The following IGSF3 variants were observed in gnomAD, a reference collection of about 807,000 sequenced individuals.
IGSF3 encodes glu-Trp-Ile EWI motif-containing protein 3.
A neutral mutation model predicts 114.4 loss-of-function variants in IGSF3; 23 were observed. The ratio of observed to expected loss-of-function variants is 0.20; its 90% CI spans 0.14 to 0.28. The LOEUF (loss-of-function observed/expected upper bound fraction) is 0.28, where lower values mean the gene tolerates loss of function less well. Among genes scored for constraint, IGSF3 ranks in the 10% least tolerant of loss-of-function variants. The pLI, the probability that IGSF3 is intolerant of heterozygous loss-of-function variation, is 1.00. For synonymous variants in IGSF3, 571 were observed against 645.2 expected, an observed-to-expected ratio of 0.88 and a Z score of 1.74; for missense variants, 1,172 against 1,591.5, an observed-to-expected ratio of 0.74 and a Z score of 4.48.
At position 116,584,513 on chromosome 1, in the gene IGSF3, A is replaced by G. The variant is rs895497704; in HGVS notation, c.2848+132T>C. Reference sequence around the variant, plus strand: ...TTCAGGCAATTTTGAATATAAATGCATATACATGTAGACACTCATATATTT... The same window carrying G: ...TTCAGGCAATTTTGAATATAAATGCGTATACATGTAGACACTCATATATTT... On this transcript the variant is annotated intron_variant, in intron 9 of 10. Transcript: ENST00000369486. The surrounding 1 kb of genome is among the most constrained non-coding windows in gnomAD (Gnocchi z 5.8). The G allele has an allele frequency of 1.8e-5, 16 of 872,062 alleles. No individual in the cohort carries two copies. Among genetic ancestry groups the G allele is most frequent in the African/African-American group, 3.4e-5 (2 of 59,482 alleles). 54.0% of individuals were successfully genotyped at this position (872,062 alleles called of 1,614,324 possible). A position where few individuals can be genotyped will look rare whatever the true frequency, so the allele number is the denominator to read the frequency against.
chr1:116,635,680 G>T (rs555980), intron 2 of IGSF3, among the ~76,000 whole-genome samples: 121,065 of 152,210 alleles, frequency 0.8, 48,790 homozygotes, highest in African/African-American at 0.91. Context: ...GCATCTTCTT[G>T]TTGGGACACT....
Position 116,589,471 on chromosome 1 carries a change from C to T in IGSF3, c.2030-367G>A, listed in dbSNP as rs580703. On this transcript the variant is annotated intron_variant, in intron 7 of 10. Coordinates refer to ENST00000369486, the MANE Select transcript of IGSF3 (RefSeq NM_001007237.3). The surrounding 1 kb of genome is among the most constrained non-coding windows in gnomAD (Gnocchi z 5.7). ...GCCAGAGAGAAACAATTCCTTTTCA[C>T]AGCACAAAGTCCCTTCAGGATCTGG... Among the ~76,000 whole-genome samples, 46,892 of 151,902 alleles carry T rather than the reference C, an allele frequency of 0.31. 8,715 individuals carry two copies. Among genetic ancestry groups the T allele is most frequent in the Non-Finnish European group, 0.4 (27,463 of 67,920 alleles).
Position 116,577,290 on chromosome 1 carries a change from C to T in IGSF3, c.*22G>A, listed in dbSNP as rs1377347589. Reference sequence around the variant, plus strand: ...AGAGCCTCAGCTCCTCCGTGGCCAACATCCGCTGGGGCATCACCCGCTTAG... The same window carrying T: ...AGAGCCTCAGCTCCTCCGTGGCCAATATCCGCTGGGGCATCACCCGCTTAG... On this transcript the variant is annotated 3_prime_UTR_variant, in exon 11 of 11. Transcript: ENST00000369486. The surrounding 1 kb of genome is among the most constrained non-coding windows in gnomAD (Gnocchi z 5.7). 3.1e-6 allele frequency: 5 copies of T among 1,610,518 alleles called. No homozygotes were observed. Among genetic ancestry groups the T allele is most frequent in the Non-Finnish European group, 4.2e-6 (5 of 1,177,920 alleles).
Position 116,651,281 on chromosome 1 carries a change from C to A in IGSF3, c.43+15003G>T, listed in dbSNP as rs1170231169. Among the ~76,000 whole-genome samples, 2 of 152,198 alleles carry A rather than the reference C, an allele frequency of 1.3e-5. No homozygotes were observed. Among genetic ancestry groups the A allele is most frequent in the Admixed American group, 1.3e-4 (2 of 15,278 alleles). On this transcript the variant is annotated intron_variant, in intron 2 of 10. Coordinates refer to ENST00000369486, the MANE Select transcript of IGSF3 (RefSeq NM_001007237.3). The surrounding 1 kb of genome is among the most constrained non-coding windows in gnomAD (Gnocchi z 4.4). Reference sequence around the variant, plus strand: ...CTTTCTTCTTCAGGCCAAATGGCTCCTATCCCTGCCTTCCATCTTAGCTTT... The same window carrying A: ...CTTTCTTCTTCAGGCCAAATGGCTCATATCCCTGCCTTCCATCTTAGCTTT...
chr1:116,626,101 A>G (rs1403783243), intron 2 of IGSF3, among the ~76,000 whole-genome samples: 1 of 152,148 alleles, frequency 6.6e-6, no homozygotes, highest in African/African-American at 2.4e-5. Context: ...ACATGCTACT[A>G]TTTACTTAGA....
At position 116,655,266 on chromosome 1, in the gene IGSF3, G is replaced by A. The variant is rs1648797741; in HGVS notation, c.43+11018C>T. Among the ~76,000 whole-genome samples, 1 of 152,216 alleles carries A rather than the reference G, an allele frequency of 6.6e-6. No homozygotes were observed. Among genetic ancestry groups the A allele is most frequent in the African/African-American group, 2.4e-5 (1 of 41,454 alleles). Reference sequence around the variant, plus strand: ...AGCCTTCTTAGGAAAAGTATTAGAAGTAGATTCTACTAGAACAGGGGCTAC... The same window carrying A: ...AGCCTTCTTAGGAAAAGTATTAGAAATAGATTCTACTAGAACAGGGGCTAC... On this transcript the variant is annotated intron_variant, in intron 2 of 10. Coordinates refer to ENST00000369486, the MANE Select transcript of IGSF3 (RefSeq NM_001007237.3). This position sits in a 1 kb window ranked among gnomAD's most constrained non-coding sequence, Gnocchi z 4.3.
At position 116,655,826 on chromosome 1, in the gene IGSF3, C is replaced by T. The variant is rs182042810; in HGVS notation, c.43+10458G>A. Reference sequence around the variant, plus strand: ...TTATAGCAAAATAGTCAATAAAATACGAACGTGCTTAATTTGATGAATTTA... The same window carrying T: ...TTATAGCAAAATAGTCAATAAAATATGAACGTGCTTAATTTGATGAATTTA... On this transcript the variant is annotated intron_variant, in intron 2 of 10. Coordinates refer to ENST00000369486, the MANE Select transcript of IGSF3 (RefSeq NM_001007237.3). This position sits in a 1 kb window ranked among gnomAD's most constrained non-coding sequence, Gnocchi z 4.3. Among the ~76,000 whole-genome samples, 10 of 152,140 alleles carry T rather than the reference C, an allele frequency of 6.6e-5. No individual in the cohort carries two copies. Among genetic ancestry groups the T allele is most frequent in the Admixed American group, 2.0e-4 (3 of 15,292 alleles).
Position 116,592,190 on chromosome 1 carries a change from C to T in IGSF3, c.2030-3086G>A, listed in dbSNP as rs1660139548. The stretch of plus-strand genomic sequence containing the variant: ...TCAGAATCTGCACTTTAACAAGATC[C>T]CCAGGTGATTCACAAGTAGCTTCAA... On this transcript the variant is annotated intron_variant, in intron 7 of 10. Transcript: ENST00000369486. The surrounding 1 kb of genome is among the most constrained non-coding windows in gnomAD (Gnocchi z 4.5). Among the ~76,000 whole-genome samples, 1 of 152,090 alleles carries T rather than the reference C, an allele frequency of 6.6e-6. No individual in the cohort carries two copies. The highest frequency in any genetic ancestry group is 2.1e-4 in the South Asian group (1 of 4,828).
Position 116,634,905 on chromosome 1 carries a change from C to T in IGSF3, c.44-18448G>A, listed in dbSNP as rs1010114676. ...CGAGCCCGCCACACTATAAGGAAGC[C>T]CAAGCTACCCCACAGGAGAGACAAG... On this transcript the variant is annotated intron_variant, in intron 2 of 10. Transcript: ENST00000369486. This position sits in a 1 kb window ranked among gnomAD's most constrained non-coding sequence, Gnocchi z 4.2. Among the ~76,000 whole-genome samples, 26 of 152,192 alleles carry T rather than the reference C, an allele frequency of 1.7e-4. No homozygotes were observed. The highest frequency in any genetic ancestry group is 5.3e-4 in the African/African-American group (22 of 41,532).
Position 116,617,472 on chromosome 1 carries a change from G to C in IGSF3, c.44-1015C>G, listed in dbSNP as rs903609063. ...AGGCGCAGCTTTGCCACCAATTAGA[G>C]CTGGTTGTGTCATCTCAGACAACTT... is the stretch of plus-strand genomic sequence containing the variant. On this transcript the variant is annotated intron_variant, in intron 2 of 10. Transcript: ENST00000369486. 2.3e-5 allele frequency: 9 copies of C among 395,268 alleles called. No homozygotes were observed. The Admixed American group carries it at 5.8e-4, about 25-fold the overall frequency. The allele number at this position is 395,268 out of a possible 1,614,324, so 24.5% of individuals were successfully genotyped here. A position where few individuals can be genotyped will look rare whatever the true frequency, so the allele number is the denominator to read the frequency against.
intron 6 of IGSF3, among the ~76,000 whole-genome samples, chr1:116,601,290 A>G (rs1660575520): frequency 6.6e-6 from 1 of 152,212 alleles, no homozygotes; most frequent in African/African-American, 2.4e-5. Flanking sequence ...TTAGTCTCCA[A>G]CCACATGTAA....
At position 116,666,473 on chromosome 1, in the gene IGSF3, A is replaced by C; in HGVS notation, c.-147T>G. On this transcript the variant is annotated 5_prime_UTR_variant, in exon 2 of 11. Coordinates refer to ENST00000369486, the MANE Select transcript of IGSF3 (RefSeq NM_001007237.3). ...AAAATGGGAACAGATTAAAAAGAAG[A>C]GATCAGAAGGAGGGAGTTGGGGGGA... 1 of 759,304 alleles carries C rather than the reference A, an allele frequency of 1.3e-6. No individual in the cohort carries two copies. The highest frequency in any genetic ancestry group is 2.3e-5 in the Admixed American group (1 of 43,808). 47.0% of individuals were successfully genotyped at this position (759,304 alleles called of 1,614,324 possible).
chr1:116,658,610 C>T (rs1215172594), intron 2 of IGSF3, among the ~76,000 whole-genome samples: 2 of 152,148 alleles, frequency 1.3e-5, no homozygotes, highest in African/African-American at 4.8e-5. Context: ...CAGGTTTCTC[C>T]ACCCCTTTAG....
chr1:116,664,480 G>C lies in IGSF3; in HGVS notation c.43+1804C>G, dbSNP rs1474138797. ...ATTGATGGTTACTTCTCCTGCCCTG[G>C]GCCCCACCCTGCCACTCAGCCCTCT... is the stretch of plus-strand genomic sequence containing the variant. On this transcript the variant is annotated intron_variant, in intron 2 of 10. Transcript: ENST00000369486. This position sits in a 1 kb window ranked among gnomAD's most constrained non-coding sequence, Gnocchi z 4.6. 2.6e-5 allele frequency among the ~76,000 whole-genome samples: 4 copies of C among 152,020 alleles called. No homozygotes were observed. The highest frequency in any genetic ancestry group is 9.7e-5 in the African/African-American group (4 of 41,356).
chr1:116,663,476 T>C (rs964070184), intron 2 of IGSF3, among the ~76,000 whole-genome samples: 11 of 151,992 alleles, frequency 7.2e-5, no homozygotes, highest in Middle Eastern at 3.4e-3. Flanking sequence ...GGCTTTGTAA[T>C]TGGAACCAAG....
Position 116,627,750 on chromosome 1 carries a change from G to T in IGSF3, c.44-11293C>A, listed in dbSNP as rs2101034826. Reference sequence around the variant, plus strand: ...GTGGCCCTGGCTTCAGGAAGCCCATGATAAGTCAGTCTGCTGTGTCCTTCA... The same window carrying T: ...GTGGCCCTGGCTTCAGGAAGCCCATTATAAGTCAGTCTGCTGTGTCCTTCA... On this transcript the variant is annotated intron_variant, in intron 2 of 10. Transcript: ENST00000369486. The surrounding 1 kb of genome is among the most constrained non-coding windows in gnomAD (Gnocchi z 4.7). Among the ~76,000 whole-genome samples, 1 of 152,308 alleles carries T rather than the reference G, an allele frequency of 6.6e-6. No homozygotes were observed. Among genetic ancestry groups the T allele is most frequent in the East Asian group, 1.9e-4 (1 of 5,188 alleles).
At chr1:116,591,056 C>T (rs1660091863) in intron 7 of IGSF3, among the ~76,000 whole-genome samples, 1 of 150,308 alleles carries the variant, frequency 6.7e-6, no homozygotes, top group African/African-American at 2.4e-5. Context: ...CCCACCCTCC[C>T]GGGTTCATCT....
rs1375484380 is a variant in IGSF3 at position 116,665,981 on chromosome 1, CCCA to C, written c.43+300_43+302del. On this transcript the variant is annotated intron_variant, in intron 2 of 10. Coordinates refer to ENST00000369486, the MANE Select transcript of IGSF3 (RefSeq NM_001007237.3). This position sits in a 1 kb window ranked among gnomAD's most constrained non-coding sequence, Gnocchi z 4.0. Reference sequence around the variant, plus strand: ...TGTTTGACATGCTACAAGACAGCAGCCCACCAGCCATGTGAAGTCCCTAAACCA... The same window carrying C: ...TGTTTGACATGCTACAAGACAGCAGCCCAGCCATGTGAAGTCCCTAAACCA... Among the ~76,000 whole-genome samples, 1 of 152,198 alleles carries C rather than the reference CCCA, an allele frequency of 6.6e-6. No homozygotes were observed. Among genetic ancestry groups the C allele is most frequent in the Non-Finnish European group, 1.5e-5 (1 of 68,036 alleles).
intron 7 of IGSF3, among the ~76,000 whole-genome samples, chr1:116,590,450 C>G (rs1660062535): frequency 6.6e-6 from 1 of 152,164 alleles, no homozygotes. Flanking sequence ...CTCCACCACT[C>G]TCTTCACACT....
Sources: gnomAD v4.1 joint callset for allele counts (sites outside exome capture counted in the v4.1 genomes callset) on GRCh38, gnomAD v4.1.1 for gene constraint, Gnocchi (gnomAD v3.1) non-coding constraint, MANE v1.5 for transcripts, NCBI Gene and HGNC (gene_info 2026-07-23, HGNC 2026-07-21) for gene names.